Variants in PODXL2 observed in about 807,000 individuals in gnomAD.
PODXL2 encodes the protein podocalyxin-like protein 2.
In PODXL2, 17 loss-of-function variants were observed where a neutral mutation model predicts 53.4. The observed-to-expected ratio is 0.32, with a 90% confidence interval of 0.22 to 0.48. The LOEUF is 0.48. Among genes scored for constraint, PODXL2 ranks in the 20% least tolerant of loss-of-function variants. PODXL2 has a pLI of 0.99. For synonymous variants in PODXL2, 311 were observed against 306.7 expected (o/e 1.01, Z -0.15); for missense variants, 673 against 760.0 (o/e 0.89, Z 1.35).
intron 2 of PODXL2, among the ~76,000 whole-genome samples, chr3:127,655,029 G>T (rs1261623725): frequency 6.6e-6 from 1 of 152,106 alleles, no homozygotes; most frequent in East Asian, 1.9e-4. Context: ...TGGAACCTCT[G>T]CCTCCCGTGT....
intron 2 of PODXL2, among the ~76,000 whole-genome samples, chr3:127,660,049 C>T (rs753443109): frequency 6.6e-6 from 1 of 152,138 alleles, no homozygotes; most frequent in Non-Finnish European, 1.5e-5. Context: ...CAGATGAGGA[C>T]AAGCAAGCAC....
rs9853749 is a variant in PODXL2 at position 127,647,618 on chromosome 3, G to A, written c.349+8095G>A. Among the ~76,000 whole-genome samples, 1,491 of 152,298 alleles carry A rather than the reference G, an allele frequency of 9.8e-3. 33 individuals are homozygous for A. The highest frequency in any genetic ancestry group is 0.033 in the African/African-American group (1,379 of 41,554). ...TTCCAGCTCCAGCACTCGGCGTGCC[G>A]CCCTCAACGTGCTGGAGCCTGCCCT... On this transcript the variant is annotated intron_variant, in intron 2 of 7. Transcript: ENST00000342480.
chr3:127,639,365 C>G lies in PODXL2; in HGVS notation c.191C>G (p.Pro64Arg). The change falls in exon 2 of 8, where the codon CCT becomes CGT. Residue 64 changes from proline (P) to arginine (R), a missense_variant. Around this residue, in one of 3 missense-constraint regions of PODXL2, gnomAD observed 588 missense variants for 668.3 expected, o/e 0.88. Transcript: ENST00000342480. The part of the protein sequence containing the change: ...TGLEPLDSEE[P>R]SETMGLGAGL... The stretch of plus-strand genomic sequence containing the variant: ...TTGGAGCCACTGGACTCAGAGGAGC[C>G]TAGTGAGACCATGGGCCTGGGAGCT... 6.2e-7 allele frequency: 1 copy of G among 1,614,208 alleles called. No homozygotes were observed. The highest frequency in any genetic ancestry group is 8.5e-7 in the Non-Finnish European group (1 of 1,180,016).
chr3:127,659,355 A>G (rs535576387), intron 2 of PODXL2, among the ~76,000 whole-genome samples: 1 of 152,234 alleles, frequency 6.6e-6, no homozygotes, highest in East Asian at 1.9e-4. Context: ...AAATTTCTCT[A>G]AAATGTTTTT....
Position 127,639,276 on chromosome 3 carries a change from T to A in PODXL2, c.102T>A (p.Ser34=). The change falls in exon 2 of 8, where the codon TCT becomes TCA. Residue 34 remains serine, a synonymous_variant. Coordinates refer to ENST00000342480, the MANE Select transcript of PODXL2 (RefSeq NM_015720.4). ...TCCTGGGTGCCTGTGTGGCTGGGTCTGATGAGCCTGGCCCAGAGGGCCTCA... is the reference window on the plus strand; with the variant it reads ...TCCTGGGTGCCTGTGTGGCTGGGTCAGATGAGCCTGGCCCAGAGGGCCTCA... ...GAFLGACVAG[S]DEPGPEGLTS... is the part of the protein sequence containing the mutation. The A allele has an allele frequency of 1.9e-6, 3 of 1,611,588 alleles. No homozygotes were observed. Among genetic ancestry groups the A allele is most frequent in the Non-Finnish European group, 2.5e-6 (3 of 1,179,488 alleles).
intron 2 of PODXL2, among the ~76,000 whole-genome samples, chr3:127,657,344 T>C (rs768064112): frequency 2.6e-5 from 4 of 152,216 alleles, no homozygotes; most frequent in Non-Finnish European, 5.9e-5. Flanking sequence ...ACCATATTCC[T>C]GCCATATCCT....
chr3:127,659,966 T>C (rs73861561), intron 2 of PODXL2, among the ~76,000 whole-genome samples: 5,936 of 152,306 alleles, frequency 0.039, 304 homozygotes, highest in African/African-American at 0.11. Flanking sequence ...AAGACTCTTA[T>C]AACGACTCAC....
At chr3:127,634,885 G>GT (rs1297064102) in intron 1 of PODXL2, among the ~76,000 whole-genome samples, 1 of 152,206 alleles carries the variant, frequency 6.6e-6, no homozygotes, top group Non-Finnish European at 1.5e-5. Flanking sequence ...AGAGGGCAGT[G>GT]TTCGGGACAG....
intron 2 of PODXL2, among the ~76,000 whole-genome samples, chr3:127,647,136 T>C (rs752374785): frequency 1.1e-4 from 17 of 152,172 alleles, no homozygotes; most frequent in Admixed American, 2.6e-4. Context: ...TCTCTTCATC[T>C]GCAAAATGAG....
intron 2 of PODXL2, among the ~76,000 whole-genome samples, chr3:127,643,367 C>T (rs867669453): frequency 3.3e-5 from 5 of 152,164 alleles, no homozygotes; most frequent in East Asian, 3.9e-4. Flanking sequence ...TGTGCCACCA[C>T]GCCCAGCTAA....
chr3:127,664,897 T>C (rs918860789), intron 4 of PODXL2, among the ~76,000 whole-genome samples: 1 of 152,208 alleles, frequency 6.6e-6, no homozygotes, highest in Non-Finnish European at 1.5e-5. Flanking sequence ...AACATACTTA[T>C]TAGTTTCTTT....
intron 6 of PODXL2, among the ~76,000 whole-genome samples, chr3:127,669,801 T>C (rs1316495638): frequency 6.6e-6 from 1 of 152,142 alleles, no homozygotes. Flanking sequence ...GATCAACCTC[T>C]CCTACCCAGC....
intron 1 of PODXL2, among the ~76,000 whole-genome samples, chr3:127,636,318 T>C (rs2074578129): frequency 6.6e-6 from 1 of 152,170 alleles, no homozygotes; most frequent in African/African-American, 2.4e-5. Context: ...TTCTATAATA[T>C]TCGGGCTAGG....
chr3:127,648,320 C>T (rs574376292), intron 2 of PODXL2, among the ~76,000 whole-genome samples: 67 of 152,282 alleles, frequency 4.4e-4, no homozygotes, highest in Non-Finnish European at 9.0e-4. Context: ...TCCTGTACAG[C>T]GAAGCCTTGT....
chr3:127,646,535 G>A (rs950828648), intron 2 of PODXL2, among the ~76,000 whole-genome samples: 3 of 152,050 alleles, frequency 2.0e-5, no homozygotes, highest in Non-Finnish European at 4.4e-5. Context: ...TTACAGGGGT[G>A]CACCACTATG....
intron 1 of PODXL2, among the ~76,000 whole-genome samples, chr3:127,635,256 A>G (rs565070719): frequency 6.6e-6 from 1 of 152,320 alleles, no homozygotes; most frequent in Non-Finnish European, 1.5e-5. Context: ...CTGCCCTACT[A>G]ACCCTGTGGC....
chr3:127,657,276 T>G (rs1482221544), intron 2 of PODXL2, among the ~76,000 whole-genome samples: 3 of 152,180 alleles, frequency 2.0e-5, no homozygotes, highest in Non-Finnish European at 4.4e-5. Context: ...TTTAGTCAGC[T>G]TGCCCTCCCA....
At chr3:127,667,709 C>T (rs1418795936) in intron 4 of PODXL2, among the ~76,000 whole-genome samples, 2 of 152,218 alleles carry the variant, frequency 1.3e-5, no homozygotes, top group South Asian at 2.1e-4. Context: ...AAGAAAACCT[C>T]ACAATACAAG....
intron 2 of PODXL2, 45 bp from the exon 3 acceptor site, chr3:127,660,333 A>G (rs1210213827): frequency 3.1e-6 from 5 of 1,589,212 alleles, no homozygotes; most frequent in Non-Finnish European, 4.3e-6. Context: ...GAGTAAAGCA[A>G]TGAATGATGA....
Sources: gnomAD v4.1 joint callset for allele counts (sites outside exome capture counted in the v4.1 genomes callset) on GRCh38, gnomAD v4.1.1 for gene constraint, gnomAD v4.1.1 regional missense constraint, MANE v1.5 for transcripts, NCBI Gene and HGNC (gene_info 2026-07-23, HGNC 2026-07-21) for gene names.